Variants in SUMF1 observed in about 807,000 individuals in gnomAD.
SUMF1 encodes formylglycine-generating enzyme.
In SUMF1, 48 loss-of-function variants were observed where a neutral mutation model predicts 47.6. The ratio of observed to expected loss-of-function variants is 1.01; its 90% CI spans 0.80 to 1.28. The LOEUF is 1.28. Ranked by LOEUF, SUMF1 falls within the 50% of genes most tolerant of loss-of-function variation. The pLI is 0.00. For missense variants in SUMF1, 571 were observed against 485.4 expected (o/e 1.18, Z -1.66); for synonymous variants, 230 against 192.1 (o/e 1.20, Z -1.63).
At chr3:4,320,459 TTACA>T (rs1399807487) in intron 8 of SUMF1, among the ~76,000 whole-genome samples, 1 of 152,110 alleles carries the variant, frequency 6.6e-6, no homozygotes, top group East Asian at 1.9e-4. Context: ...ACCATTTTAA[TTACA>T]TACATGCAAA....
chr3:4,161,992 CA>C (rs1262354654), intron 8 of SUMF1, among the ~76,000 whole-genome samples: 1 of 152,118 alleles, frequency 6.6e-6, no homozygotes, highest in Middle Eastern at 3.2e-3. Flanking sequence ...GCTGATTTTT[CA>C]GGGCCCAAGG....
chr3:4,399,768 C>T (rs534668987), intron 7 of SUMF1, among the ~76,000 whole-genome samples: 5 of 152,178 alleles, frequency 3.3e-5, no homozygotes, highest in Non-Finnish European at 7.4e-5. Context: ...TCTTGTTTTT[C>T]TTTTTTTGAG....
intron 8 of SUMF1, among the ~76,000 whole-genome samples, chr3:4,349,638 G>T (rs1699445447): frequency 6.6e-6 from 1 of 152,178 alleles, no homozygotes; most frequent in Non-Finnish European, 1.5e-5. Context: ...TATACACCAT[G>T]GAATACTATG....
rs139354098 is a variant in SUMF1, at chr3:4,271,591, T to C, written c.1014+104739A>G. Among the ~76,000 whole-genome samples, 862 of 152,186 alleles carry C rather than the reference T, an allele frequency of 5.7e-3. 4 individuals carry two copies. Among genetic ancestry groups the C allele is most frequent in the Middle Eastern group, 0.01 (3 of 294 alleles). ...ATGGCATCTCACTGCAGTCTTGAAA[T>C]CCCAGGCTCAAGTGATTCTCCCGCC... On this transcript the variant is annotated intron_variant and NMD_transcript_variant, in intron 8 of 12. Coordinates refer to the SUMF1 transcript ENST00000448413.
At chr3:4,079,465 T>TA (rs1476222455) in intron 8 of SUMF1, among the ~76,000 whole-genome samples, 1 of 151,946 alleles carries the variant, frequency 6.6e-6, no homozygotes, top group East Asian at 1.9e-4. Flanking sequence ...CAGAAGCTCA[T>TA]ATGCTGTCCT....
chr3:4,377,174 T>C (rs956059242), intron 7 of SUMF1, among the ~76,000 whole-genome samples: 1 of 152,172 alleles, frequency 6.6e-6, no homozygotes, highest in Non-Finnish European at 1.5e-5. Flanking sequence ...AAGAGTTTGC[T>C]TGTTAGCCTT....
chr3:4,086,165 A>G (rs548907920), intron 8 of SUMF1, among the ~76,000 whole-genome samples: 1 of 152,074 alleles, frequency 6.6e-6, no homozygotes, highest in East Asian at 1.9e-4. Context: ...AAACCATGAT[A>G]ACTAAACCAC....
At chr3:4,343,992 C>G (rs185394233) in intron 8 of SUMF1, among the ~76,000 whole-genome samples, 2 of 152,154 alleles carry the variant, frequency 1.3e-5, no homozygotes, top group African/African-American at 4.8e-5. Flanking sequence ...ACAAGATATA[C>G]AAAATAAATT....
chr3:4,162,266 A>C (rs1694595616), intron 8 of SUMF1, among the ~76,000 whole-genome samples: 1 of 152,122 alleles, frequency 6.6e-6, no homozygotes, highest in Non-Finnish European at 1.5e-5. Context: ...AAGCTGCGCT[A>C]CCTGAGGTTG....
At chr3:4,166,382 A>G (rs1694706840) in intron 8 of SUMF1, among the ~76,000 whole-genome samples, 1 of 152,136 alleles carries the variant, frequency 6.6e-6, no homozygotes, top group Non-Finnish European at 1.5e-5. Context: ...GAGAATTCCC[A>G]TATCCTAGCT....
chr3:4,045,383 C>CCCAT (rs544862356), intron 9 of SUMF1, among the ~76,000 whole-genome samples: 1,630 of 151,502 alleles, frequency 0.011, 23 homozygotes, highest in African/African-American at 0.037. Flanking sequence ...CAACCATCCA[C>CCCAT]CCATCCATCC....
chr3:4,088,204 G>C (rs983328739), intron 8 of SUMF1, among the ~76,000 whole-genome samples: 2 of 152,004 alleles, frequency 1.3e-5, no homozygotes, highest in African/African-American at 4.8e-5. Context: ...ACCTGTGCCA[G>C]ACCACTCCTT....
intron 8 of SUMF1, among the ~76,000 whole-genome samples, chr3:4,195,127 G>A (rs140783503): frequency 6.6e-6 from 1 of 152,132 alleles, no homozygotes; most frequent in East Asian, 1.9e-4. Context: ...CACAAATTTG[G>A]CTCATTTAGG....
intron 8 of SUMF1, among the ~76,000 whole-genome samples, chr3:4,279,447 T>G (rs1304120759): frequency 6.6e-6 from 1 of 152,058 alleles, no homozygotes. Context: ...AACAAAATAG[T>G]ATAAAGCCAT....
At chr3:4,080,501 C>T (rs191761569) in intron 8 of SUMF1, among the ~76,000 whole-genome samples, 131 of 152,098 alleles carry the variant, frequency 8.6e-4, no homozygotes, top group Admixed American at 1.8e-3. Flanking sequence ...ACCTGGGAAC[C>T]CTGCTTCAAA....
chr3:4,196,349 A>C (rs1249618199), intron 8 of SUMF1, among the ~76,000 whole-genome samples: 1 of 152,124 alleles, frequency 6.6e-6, no homozygotes, highest in Non-Finnish European at 1.5e-5. Flanking sequence ...ATTCAGACCC[A>C]AACACAGACA....
chr3:4,283,225 AACAATGAAGCACAGAAAACC>A (rs1386349454), intron 8 of SUMF1, among the ~76,000 whole-genome samples: 1 of 152,226 alleles, frequency 6.6e-6, no homozygotes, highest in Non-Finnish European at 1.5e-5. Flanking sequence ...TTCTAGAGGC[AACAATGAAGCACAGAAAACC>A]TTGTGAAAAG....
chr3:4,189,309 C>T (rs1222751109), intron 8 of SUMF1, among the ~76,000 whole-genome samples: 1 of 152,098 alleles, frequency 6.6e-6, no homozygotes. Context: ...CAATTCACTA[C>T]CCAGTGGTCC....
At chr3:4,352,983 G>A (rs1317264586) in intron 8 of SUMF1, among the ~76,000 whole-genome samples, 1 of 152,186 alleles carries the variant, frequency 6.6e-6, no homozygotes, top group African/African-American at 2.4e-5. Flanking sequence ...GTCAGACCTT[G>A]CTCTTCTCCT....
Sources: gnomAD v4.1 joint callset for allele counts (sites outside exome capture counted in the v4.1 genomes callset) on GRCh38, gnomAD v4.1.1 for gene constraint, MANE v1.5 for transcripts, NCBI Gene and HGNC (gene_info 2026-07-23, HGNC 2026-07-21) for gene names.